Variants in NR6A1 observed in about 807,000 individuals in gnomAD.
The protein encoded by NR6A1 is retinoic acid receptor-related testis-associated receptor.
Under a neutral mutation model 59.1 loss-of-function variants are expected in NR6A1, and 7 were observed. The ratio of observed to expected loss-of-function variants is 0.12; its 90% CI spans 0.07 to 0.22. NR6A1 has a LOEUF of 0.22. Among genes scored for constraint, NR6A1 ranks in the 10% least tolerant of loss-of-function variants. The pLI, the probability that NR6A1 is intolerant of heterozygous loss-of-function variation, is 1.00. For synonymous variants in NR6A1, 243 were observed against 236.1 expected, an observed-to-expected ratio of 1.03 and a Z score of -0.27; for missense variants, 468 against 611.6, an observed-to-expected ratio of 0.77 and a Z score of 2.48.
At chr9:124,718,021 C>T (rs1839450901) in intron 2 of NR6A1, among the ~76,000 whole-genome samples, 1 of 152,198 alleles carries the variant, frequency 6.6e-6, no homozygotes, top group African/African-American at 2.4e-5. Context: ...AACTGCTGGG[C>T]AATTCATGTA....
chr9:124,566,837 G>C (rs1205848369), intron 2 of NR6A1, among the ~76,000 whole-genome samples: 2 of 152,174 alleles, frequency 1.3e-5, no homozygotes, highest in African/African-American at 4.8e-5. Context: ...GGCCGGGCGC[G>C]GTGGCTCACG....
intron 2 of NR6A1, among the ~76,000 whole-genome samples, chr9:124,731,370 GA>G (rs779705280): frequency 0.017 from 1,813 of 108,692 alleles, 31 homozygotes; most frequent in African/African-American, 0.054. Context: ...ACTCCATCTC[GA>G]AAAAAAAAAA....
intron 2 of NR6A1, among the ~76,000 whole-genome samples, chr9:124,567,943 G>C (rs1481474862): frequency 6.9e-6 from 1 of 144,336 alleles, no homozygotes; most frequent in African/African-American, 2.6e-5. Context: ...TGGGAGGCCA[G>C]GGCGGGTGGA....
At chr9:124,643,573 G>C (rs1836833122) in intron 2 of NR6A1, among the ~76,000 whole-genome samples, 1 of 150,270 alleles carries the variant, frequency 6.7e-6, no homozygotes, top group Non-Finnish European at 1.5e-5. Context: ...CTGCATGCTA[G>C]CCTGGCAACA....
chr9:124,603,738 G>C (rs1352304234), intron 2 of NR6A1, among the ~76,000 whole-genome samples: 2 of 152,108 alleles, frequency 1.3e-5, no homozygotes, highest in Non-Finnish European at 2.9e-5. Flanking sequence ...GGAAGGAAAG[G>C]AGCTGCTTCA....
intron 1 of NR6A1, among the ~76,000 whole-genome samples, chr9:124,756,381 ACAAAGCAG>A (rs1158582035): frequency 3.3e-5 from 5 of 152,260 alleles, no homozygotes; most frequent in Non-Finnish European, 7.3e-5. Flanking sequence ...AGTGGTGAGC[ACAAAGCAG>A]CAAAGCAAAT....
intron 2 of NR6A1, among the ~76,000 whole-genome samples, chr9:124,585,150 A>T (rs932843677): frequency 6.6e-6 from 1 of 152,170 alleles, no homozygotes; most frequent in African/African-American, 2.4e-5. Flanking sequence ...CAATTCTATG[A>T]TGGTTGAGAG....
chr9:124,689,170 A>G (rs1401909100), intron 2 of NR6A1, among the ~76,000 whole-genome samples: 1 of 152,236 alleles, frequency 6.6e-6, no homozygotes, highest in Non-Finnish European at 1.5e-5. Flanking sequence ...TTATTTATTA[A>G]CATAGAAATA....
chr9:124,653,627 C>T (rs758606568), intron 2 of NR6A1, among the ~76,000 whole-genome samples: 4 of 152,148 alleles, frequency 2.6e-5, no homozygotes, highest in Non-Finnish European at 4.4e-5. Context: ...AGGCTGGTCT[C>T]GAACTCCTGG....
chr9:124,673,096 C>T (rs536797550), intron 2 of NR6A1, among the ~76,000 whole-genome samples: 39 of 152,188 alleles, frequency 2.6e-4, no homozygotes, highest in Admixed American at 9.8e-4. Flanking sequence ...CCAAGGCTAG[C>T]GGATTGCTTG....
chr9:124,523,645 T>C (rs1052951334), intron 9 of NR6A1, among the ~76,000 whole-genome samples: 14 of 152,040 alleles, frequency 9.2e-5, no homozygotes, highest in Non-Finnish European at 1.6e-4. Flanking sequence ...CTGCTTAATA[T>C]CTCATGTGGT....
At chr9:124,652,983 T>C (rs1386646032) in intron 2 of NR6A1, among the ~76,000 whole-genome samples, 1 of 152,230 alleles carries the variant, frequency 6.6e-6, no homozygotes, top group Non-Finnish European at 1.5e-5. Context: ...TTTCTGCCCC[T>C]TCCTACAGCC....
In NR6A1 at chr9:124,526,900, T is replaced by G. The variant is rs142275115; in HGVS notation, c.1080A>C (p.Arg360Ser). Reference sequence around the variant, plus strand: ...TCACCTCCATCCCTTCATCACTAAATCTGAGGAACAGACACAGGTGTTAAC... The same window carrying G: ...TCACCTCCATCCCTTCATCACTAAAGCTGAGGAACAGACACAGGTGTTAAC... ...KYSPSDEELHRFSDEGMEVIE... is the reference protein window; with the variant it reads ...KYSPSDEELHSFSDEGMEVIE... The change falls in exon 8 of 10, where the codon AGA becomes AGC. Residue 360 changes from arginine to serine, a missense_variant and splice_region_variant. Around this residue, in one of 4 missense-constraint regions of NR6A1, gnomAD observed 176 missense variants for 264.0 expected, o/e 0.67. Transcript: ENST00000487099. 110 of 1,613,680 alleles carry G rather than the reference T, an allele frequency of 6.8e-5. No individual in the cohort carries two copies. Among genetic ancestry groups the G allele is most frequent in the East Asian group, 4.9e-4 (22 of 44,880 alleles).
intron 2 of NR6A1, among the ~76,000 whole-genome samples, chr9:124,687,889 G>A (rs1838389551): frequency 6.6e-6 from 1 of 152,176 alleles, no homozygotes; most frequent in South Asian, 2.1e-4. Flanking sequence ...GCAGACGCCT[G>A]AAACTTCGAA....
chr9:124,648,720 G>A (rs114362492), intron 2 of NR6A1, among the ~76,000 whole-genome samples: 1,825 of 147,412 alleles, frequency 0.012, 31 homozygotes, highest in African/African-American at 0.041. Context: ...AAAAAAAAAA[G>A]GCATTAGAAC....
chr9:124,533,134 G>T (rs1588642590), intron 7 of NR6A1, among the ~76,000 whole-genome samples: 1 of 152,240 alleles, frequency 6.6e-6, no homozygotes, highest in East Asian at 1.9e-4. Context: ...GAGTCCAAAG[G>T]CTGATCCTGT....
At chr9:124,743,729 A>G (rs1840243054) in intron 1 of NR6A1, among the ~76,000 whole-genome samples, 1 of 152,250 alleles carries the variant, frequency 6.6e-6, no homozygotes, top group East Asian at 1.9e-4. Flanking sequence ...GGCTGTAGCT[A>G]TAGAATCAAA....
At chr9:124,679,736 A>C (rs1388101075) in intron 2 of NR6A1, among the ~76,000 whole-genome samples, 1 of 142,840 alleles carries the variant, frequency 7.0e-6, no homozygotes, top group African/African-American at 2.5e-5. Flanking sequence ...CTAAAAATAC[A>C]AAAAAAAAAA....
chr9:124,589,623 T>C (rs1459808095), intron 2 of NR6A1, among the ~76,000 whole-genome samples: 1 of 152,266 alleles, frequency 6.6e-6, no homozygotes, highest in Non-Finnish European at 1.5e-5. Context: ...TGTGCACATT[T>C]TGAGATTAAA....
Sources: gnomAD v4.1 joint callset for allele counts (sites outside exome capture counted in the v4.1 genomes callset) on GRCh38, gnomAD v4.1.1 for gene constraint, gnomAD v4.1.1 regional missense constraint, MANE v1.5 for transcripts, NCBI Gene and HGNC (gene_info 2026-07-23, HGNC 2026-07-21) for gene names.